The following ZNF345 variants were observed in gnomAD, a reference collection of about 807,000 sequenced individuals.
The protein encoded by ZNF345 is zinc finger protein HZF10.
For synonymous variants in ZNF345, 166 were observed against 187.9 expected (o/e 0.88, Z 0.95); for missense variants, 527 against 589.9 (o/e 0.89, Z 1.10).
At chr19:36,856,111 T>G (rs919953064) in intron 2 of ZNF345, among the ~76,000 whole-genome samples, 9 of 152,320 alleles carry the variant, frequency 5.9e-5, no homozygotes, top group Admixed American at 5.2e-4. Context: ...GAAAATGTTA[T>G]TTCCCTTCTT....
At chr19:36,885,252 CA>C (rs1230076622) in intron 3 of ZNF345, among the ~76,000 whole-genome samples, 1 of 151,350 alleles carries the variant, frequency 6.6e-6, no homozygotes. Flanking sequence ...TTTTCACTTC[CA>C]ATGACTAATA....
At chr19:36,891,429 C>T (rs1006271689) in intron 3 of ZNF345, 3 of 1,460,606 alleles carry the variant, frequency 2.1e-6, no homozygotes, top group Non-Finnish European at 2.7e-6. Flanking sequence ...CTAATTTGTT[C>T]TCCTTACCTG....
rs763073873 is a variant in ZNF345 at position 36,878,150 on chromosome 19, C to G, written c.1320C>G (p.Ser440Arg). The change falls in exon 3 of 3, where the codon AGC (serine) becomes AGG (arginine). Residue 440 changes from serine to arginine, a missense_variant. Ser to Arg is a moderately radical substitution (Grantham distance 110). Coordinates refer to ENST00000420450, the MANE Select transcript of ZNF345 (RefSeq NM_001242472.2). ...GGAAGGCTTTTTATAGTGGCTCAAG[C>G]CTTACTCAGCATCAGAGAATTCATA... ...ECGKAFYSGS[S>R]LTQHQRIHTG... The G allele has an allele frequency of 3.7e-6, 6 of 1,613,838 alleles. No individual in the cohort carries two copies. Among genetic ancestry groups the G allele is most frequent in the East Asian group, 2.2e-5 (1 of 44,830 alleles).
chr19:36,863,433 A>G (rs2072596409), intron 2 of ZNF345, among the ~76,000 whole-genome samples: 1 of 152,146 alleles, frequency 6.6e-6, no homozygotes, highest in African/African-American at 2.4e-5. Context: ...AGTTATTTCC[A>G]CTAGTAAGAG....
At chr19:36,855,093 C>T (rs1345369420) in intron 2 of ZNF345, among the ~76,000 whole-genome samples, 5 of 150,518 alleles carry the variant, frequency 3.3e-5, no homozygotes, top group East Asian at 2.0e-4. Flanking sequence ...CCTGGTGATC[C>T]GCCTGCCTCA....
intron 3 of ZNF345, chr19:36,891,728 C>T (rs1046003831): frequency 6.8e-6 from 11 of 1,613,940 alleles, no homozygotes; most frequent in Admixed American, 3.3e-5. Context: ...CTACATTCTT[C>T]ACATTCATAG....
intron 2 of ZNF345, among the ~76,000 whole-genome samples, chr19:36,860,149 G>C (rs2072516723): frequency 6.6e-6 from 1 of 151,948 alleles, no homozygotes; most frequent in Admixed American, 6.6e-5. Flanking sequence ...AGTAGAGATG[G>C]GGTTTCACCG....
At chr19:36,853,533 C>G (rs2072336755) in intron 2 of ZNF345, among the ~76,000 whole-genome samples, 1 of 152,196 alleles carries the variant, frequency 6.6e-6, no homozygotes, top group Non-Finnish European at 1.5e-5. Flanking sequence ...GCCACCGCAC[C>G]TGGCCAAGCC....
intron 3 of ZNF345, among the ~76,000 whole-genome samples, chr19:36,887,009 A>G (rs1173382620): frequency 6.6e-6 from 1 of 151,330 alleles, no homozygotes; most frequent in Non-Finnish European, 1.5e-5. Context: ...AAAAAAAAAA[A>G]AAAATTAGCT....
At chr19:36,863,152 G>T (rs558804804) in intron 2 of ZNF345, 9 of 152,240 alleles carry the variant, frequency 5.9e-5, no homozygotes, top group African/African-American at 2.2e-4. Flanking sequence ...AACTAATACG[G>T]TGAGTTATTT....
chr19:36,884,267 A>G (rs1026561261), downstream of ZNF345, among the ~76,000 whole-genome samples: 2 of 152,078 alleles, frequency 1.3e-5, no homozygotes, highest in African/African-American at 4.8e-5. Context: ...AGGTTTCACC[A>G]TGTTGGTCTT....
chr19:36,887,517 A>C (rs530112798), intron 3 of ZNF345, among the ~76,000 whole-genome samples: 1 of 152,322 alleles, frequency 6.6e-6, no homozygotes, highest in Admixed American at 6.5e-5. Context: ...GTTCTAAAAC[A>C]AATTATATAT....
chr19:36,863,291 A>C (rs1206441653), intron 2 of ZNF345, among the ~76,000 whole-genome samples: 2 of 152,176 alleles, frequency 1.3e-5, no homozygotes, highest in Non-Finnish European at 2.9e-5. Context: ...GCTCATTCCT[A>C]AATACTGTCT....
intron 3 of ZNF345, among the ~76,000 whole-genome samples, chr19:36,886,824 A>G (rs1238444235): frequency 7.1e-6 from 1 of 140,818 alleles, no homozygotes; most frequent in South Asian, 2.2e-4. Flanking sequence ...CGTCTCTACT[A>G]AAAAAAAAAA....
intron 2 of ZNF345, among the ~76,000 whole-genome samples, chr19:36,862,339 T>A (rs555886767): frequency 2.0e-5 from 3 of 152,112 alleles, no homozygotes; most frequent in Non-Finnish European, 4.4e-5. Flanking sequence ...CTTGATTGTA[T>A]GAGTATGTAA....
At chr19:36,855,436 C>A (rs1273791273) in intron 2 of ZNF345, among the ~76,000 whole-genome samples, 2 of 148,992 alleles carry the variant, frequency 1.3e-5, no homozygotes, top group Non-Finnish European at 3.0e-5. Context: ...GCGTGAGCCA[C>A]CGAGCCTGGC....
Position 36,878,923 on chromosome 19 carries a change from C to T in ZNF345, c.*626C>T, listed in dbSNP as rs2072944200. 3.0e-5 allele frequency: 5 copies of T among 164,330 alleles called. No homozygotes were observed. The South Asian group carries it at 1.0e-3, about 34-fold the overall frequency. The allele number at this position is 164,330 out of a possible 1,614,324, so 10.2% of individuals were successfully genotyped here. On this transcript the variant is annotated 3_prime_UTR_variant, in exon 3 of 3. Transcript: ENST00000420450. ...TGCAATCTCGGTTCACTGCAACCTC[C>T]ACCTCCCGAGTTCAAGTGATTTTCC... is the stretch of plus-strand genomic sequence containing the variant.
At chr19:36,873,463 A>C (rs2072811163) in intron 2 of ZNF345, among the ~76,000 whole-genome samples, 1 of 152,218 alleles carries the variant, frequency 6.6e-6, no homozygotes, top group African/African-American at 2.4e-5. Flanking sequence ...TCATCATCTC[A>C]CATAGTTACA....
At chr19:36,876,646 C>T (rs539099639) in intron 2 of ZNF345, 139 bp from the exon 3 acceptor site, 4 of 429,708 alleles carry the variant, frequency 9.3e-6, no homozygotes, top group South Asian at 6.1e-5. Flanking sequence ...TCAAATTGCC[C>T]AGTCATATGT....
Sources: allele counts gnomAD v4.1 joint callset (sites outside exome capture counted in the v4.1 genomes callset), GRCh38; gene constraint gnomAD v4.1.1; transcripts MANE v1.5; gene names NCBI Gene and HGNC (gene_info 2026-07-23, HGNC 2026-07-21).